CAMK2D: variants seen among roughly 807,000 people sequenced by gnomAD.
The protein encoded by CAMK2D is calcium/calmodulin dependent protein kinase II delta.
A neutral mutation model predicts 84.0 loss-of-function variants in CAMK2D; 37 were observed. The ratio of observed to expected loss-of-function variants is 0.44; its 90% CI spans 0.34 to 0.58. The LOEUF is 0.58. CAMK2D is among the 20% of genes least tolerant of loss of function. The probability of loss-of-function intolerance (pLI) is 0.02; values close to 1 mark genes in which losing one functional copy is unlikely to be tolerated. For synonymous variants in CAMK2D, 202 were observed against 212.5 expected, an observed-to-expected ratio of 0.95 and a Z score of 0.43; for missense variants, 448 against 652.5, an observed-to-expected ratio of 0.69 and a Z score of 3.41.
At chr4:113,653,537 C>A (rs116915473) in intron 3 of CAMK2D, among the ~76,000 whole-genome samples, 2 of 151,968 alleles carry the variant, frequency 1.3e-5, no homozygotes, top group African/African-American at 4.8e-5. Context: ...GGAGAGGTCA[C>A]AGAAAAAAAC....
chr4:113,502,533 C>A (rs2098066587), intron 15 of CAMK2D, among the ~76,000 whole-genome samples: 1 of 129,680 alleles, frequency 7.7e-6, no homozygotes, highest in Non-Finnish European at 1.7e-5. Context: ...AAAAAAAAAA[C>A]CTATAAAGTC....
chr4:113,455,534 G>A (rs1302579531), intron 20 of CAMK2D, among the ~76,000 whole-genome samples, 192 bp downstream of exon 20: 1 of 152,098 alleles, frequency 6.6e-6, no homozygotes, highest in African/African-American at 2.4e-5. Context: ...TTAAAATAAG[G>A]ATTATGCTAC....
chr4:113,687,008 C>T (rs1271990226), intron 2 of CAMK2D, among the ~76,000 whole-genome samples: 1 of 151,722 alleles, frequency 6.6e-6, no homozygotes, highest in East Asian at 1.9e-4. Flanking sequence ...TATAAGTTTC[C>T]CAGGAAGGAA....
intron 4 of CAMK2D, among the ~76,000 whole-genome samples, chr4:113,586,332 T>C (rs1214065810): frequency 2.0e-5 from 3 of 152,132 alleles, no homozygotes; most frequent in Admixed American, 6.6e-5. Context: ...GGCAATAAAG[T>C]AGAAAAGAGG....
rs2098145030 is a variant in CAMK2D, at chr4:113,507,526, C to G, written c.984+2112G>C. On this transcript the variant is annotated intron_variant, in intron 13 of 20. Transcript: ENST00000511664. Reference sequence around the variant, plus strand: ...TCAGGTGATCCGTCTGTCTCAACCTCTCAAACTGCTGGGATTACAGGTGTG... The same window carrying G: ...TCAGGTGATCCGTCTGTCTCAACCTGTCAAACTGCTGGGATTACAGGTGTG... Among the ~76,000 whole-genome samples the G allele has an allele frequency of 2.0e-5, 3 of 152,222 alleles. No individual in the cohort carries two copies. The East Asian group carries it at 5.8e-4, about 29-fold the overall frequency.
At chr4:113,543,831 G>A (rs1000244726) in intron 6 of CAMK2D, among the ~76,000 whole-genome samples, 10 of 151,186 alleles carry the variant, frequency 6.6e-5, no homozygotes, top group African/African-American at 1.5e-4. Context: ...TCGCTCTGTT[G>A]CCCAGGCTGG....
chr4:113,706,796 G>C (rs116537542), intron 2 of CAMK2D, among the ~76,000 whole-genome samples: 1 of 152,138 alleles, frequency 6.6e-6, no homozygotes, highest in East Asian at 1.9e-4. Flanking sequence ...AAAACTCTAC[G>C]TAATTAATGA....
At chr4:113,523,667 G>C (rs563737504) in intron 8 of CAMK2D, among the ~76,000 whole-genome samples, 1 of 152,028 alleles carries the variant, frequency 6.6e-6, no homozygotes, top group Non-Finnish European at 1.5e-5. Context: ...CACTACAGGG[G>C]AGGCTAAGGC....
At chr4:113,597,413 T>C (rs1026996222) in intron 4 of CAMK2D, among the ~76,000 whole-genome samples, 1 of 152,238 alleles carries the variant, frequency 6.6e-6, no homozygotes, top group Non-Finnish European at 1.5e-5. Flanking sequence ...TTTTTTGTTA[T>C]GGACATGGCT....
intron 4 of CAMK2D, among the ~76,000 whole-genome samples, chr4:113,556,285 T>C (rs1383803720): frequency 1.3e-5 from 2 of 152,178 alleles, no homozygotes; most frequent in African/African-American, 4.8e-5. Flanking sequence ...GACTAGCTTT[T>C]TCTTGTCTGT....
chr4:113,702,174 A>G (rs957667823), intron 2 of CAMK2D, among the ~76,000 whole-genome samples: 2 of 152,208 alleles, frequency 1.3e-5, no homozygotes, highest in African/African-American at 4.8e-5. Context: ...ATTATGTAAC[A>G]TTACTAAGAG....
intron 16 of CAMK2D, among the ~76,000 whole-genome samples, chr4:113,487,500 C>T (rs114010676): frequency 0.029 from 4,419 of 151,922 alleles, 216 homozygotes; most frequent in African/African-American, 0.099. Flanking sequence ...AAAAACATAG[C>T]AAATAATTAG....
chr4:113,585,689 G>C (rs2098830850), intron 4 of CAMK2D, among the ~76,000 whole-genome samples: 1 of 149,712 alleles, frequency 6.7e-6, no homozygotes, highest in South Asian at 2.1e-4. Context: ...ATATAGTATA[G>C]GTTAGTGTAT....
chr4:113,465,725 C>T (rs935203940), intron 16 of CAMK2D, 121 bp from the exon 17 acceptor site: 27 of 639,378 alleles, frequency 4.2e-5, no homozygotes, highest in Non-Finnish European at 6.1e-5. Context: ...AGTACAGTAG[C>T]GCAATCACAG....
chr4:113,734,115 G>A (rs1170702236), intron 2 of CAMK2D, among the ~76,000 whole-genome samples: 2 of 152,090 alleles, frequency 1.3e-5, no homozygotes, highest in African/African-American at 2.4e-5. Flanking sequence ...TTAAATAATA[G>A]GGGTAGTTGA....
chr4:113,648,863 C>T (rs1262509543), intron 3 of CAMK2D, among the ~76,000 whole-genome samples: 5 of 152,094 alleles, frequency 3.3e-5, no homozygotes, highest in East Asian at 3.9e-4. Context: ...GTGGCATTTG[C>T]GACTTCTAGT....
chr4:113,659,711 T>G (rs2099220227), intron 3 of CAMK2D, among the ~76,000 whole-genome samples: 3 of 152,194 alleles, frequency 2.0e-5, no homozygotes, highest in Admixed American at 6.5e-5. Flanking sequence ...CCACCCAGTC[T>G]GTGGTACTCT....
chr4:113,598,005 A>G (rs897009475), intron 4 of CAMK2D, among the ~76,000 whole-genome samples: 5 of 152,218 alleles, frequency 3.3e-5, no homozygotes, highest in African/African-American at 1.2e-4. Flanking sequence ...AAATCTCAGC[A>G]AGTTATTTTT....
chr4:113,548,987 G>A (rs2098604097), intron 5 of CAMK2D, among the ~76,000 whole-genome samples: 1 of 152,098 alleles, frequency 6.6e-6, no homozygotes, highest in South Asian at 2.1e-4. Context: ...CATTGTAAGT[G>A]TACAAATTAA....
Sources: gnomAD v4.1 joint callset for allele counts (sites outside exome capture counted in the v4.1 genomes callset) on GRCh38, gnomAD v4.1.1 for gene constraint, MANE v1.5 for transcripts, NCBI Gene and HGNC (gene_info 2026-07-23, HGNC 2026-07-21) for gene names.